CCDC175: variants seen among roughly 807,000 people sequenced by gnomAD.
The protein encoded by CCDC175 is coiled-coil domain-containing protein 175.
CCDC175 carries 100 observed loss-of-function variants against 114.6 expected under a neutral mutation model. The ratio of observed to expected loss-of-function variants is 0.87; its 90% CI spans 0.74 to 1.03. The LOEUF is 1.03. Ranked by LOEUF, CCDC175 falls within the 50% of genes least tolerant of loss-of-function variation. CCDC175 has a pLI of 0.00. For synonymous variants in CCDC175, 306 were observed against 308.7 expected (o/e 0.99, Z 0.09); for missense variants, 880 against 917.8 (o/e 0.96, Z 0.53).
At chr14:59,559,524 G>C (rs1337002849) in intron 7 of CCDC175, among the ~76,000 whole-genome samples, 1 of 152,140 alleles carries the variant, frequency 6.6e-6, no homozygotes, top group African/African-American at 2.4e-5. Flanking sequence ...AAAATGAAGG[G>C]TTAAGGATTG....
intron 3 of CCDC175, among the ~76,000 whole-genome samples, chr14:59,571,267 C>T (rs1459032839): frequency 6.6e-6 from 1 of 151,914 alleles, no homozygotes; most frequent in African/African-American, 2.4e-5. Flanking sequence ...GATTTCTTGA[C>T]TGCATCAAAA....
intron 10 of CCDC175, among the ~76,000 whole-genome samples, chr14:59,543,007 TTTTA>T (rs1219355161): frequency 6.6e-6 from 1 of 152,200 alleles, no homozygotes; most frequent in Non-Finnish European, 1.5e-5. Flanking sequence ...AGGTATTATT[TTTTA>T]ATCAGAAAAA....
chr14:59,506,130 A>G (rs1892360222), intron 19 of CCDC175, among the ~76,000 whole-genome samples: 1 of 152,106 alleles, frequency 6.6e-6, no homozygotes, highest in South Asian at 2.1e-4. Context: ...GATAAATTTA[A>G]TAACTACCTT....
intron 16 of CCDC175, among the ~76,000 whole-genome samples, chr14:59,522,085 G>A (rs920297917): frequency 2.6e-5 from 4 of 152,238 alleles, no homozygotes; most frequent in African/African-American, 9.6e-5. Context: ...ATTGAGTCAG[G>A]AGACTGCATG....
In CCDC175 at chr14:59,506,436, C is replaced by T. The variant is rs368909813; in HGVS notation, c.2306-1121G>A. On this transcript the variant is annotated intron_variant, in intron 19 of 19. Transcript: ENST00000537690. The stretch of plus-strand genomic sequence containing the variant: ...CCAAGCAGCTGGGATTATAGGTGCC[C>T]GCCATGACACCCAGCTAATTTTTGT... 4.8e-4 allele frequency among the ~76,000 whole-genome samples: 73 copies of T among 151,920 alleles called. No individual in the cohort carries two copies. The East Asian group carries it at 8.6e-3, about 18-fold the overall frequency.
At chr14:59,521,712 TTAGTTACTATAGATAAATTATCATG>T (rs1449339972) in intron 16 of CCDC175, 36 bp from the exon 17 acceptor site, 5 of 1,130,376 alleles carry the variant, frequency 4.4e-6, no homozygotes, top group Non-Finnish European at 6.4e-6. Context: ...TTTTAGCAGT[TTAGTTACTATAGATAAATTATCATG>T]TAGTCATTCA....
intron 7 of CCDC175, among the ~76,000 whole-genome samples, chr14:59,558,799 A>G (rs1237411157): frequency 6.6e-6 from 1 of 152,190 alleles, no homozygotes; most frequent in Non-Finnish European, 1.5e-5. Flanking sequence ...GAAAGTATTT[A>G]AAGCCACGAG....
intron 16 of CCDC175, among the ~76,000 whole-genome samples, chr14:59,523,882 G>T (rs564046595): frequency 1.3e-4 from 20 of 152,152 alleles, no homozygotes; most frequent in African/African-American, 4.1e-4. Flanking sequence ...CCAGCTACTC[G>T]GGAGGCTGAG....
At chr14:59,560,561 C>T (rs1420184613) in intron 7 of CCDC175, among the ~76,000 whole-genome samples, 1 of 152,120 alleles carries the variant, frequency 6.6e-6, no homozygotes, top group African/African-American at 2.4e-5. Flanking sequence ...GCCATGTGCT[C>T]ACCAAGAAGA....
Position 59,511,549 on chromosome 14 carries a change from A to T in CCDC175, c.2142+211T>A, listed in dbSNP as rs111347517. On this transcript the variant is annotated intron_variant, in intron 18 of 19. Transcript: ENST00000537690. ...TTAAGATTTCATAGTGATATTTGGT[A>T]AAAAAAAAAAAAAAAAAAGACACAT... Among the ~76,000 whole-genome samples, 6 of 3,012 alleles carry T rather than the reference A, an allele frequency of 2.0e-3. 1 individual carries two copies. Among genetic ancestry groups the T allele is most frequent in the African/African-American group, 6.6e-3 (6 of 908 alleles). 2.0% of individuals were successfully genotyped at this position (3,012 alleles called of 152,430 possible). A position where few individuals can be genotyped will look rare whatever the true frequency, so the allele number is the denominator to read the frequency against.
intron 4 of CCDC175, among the ~76,000 whole-genome samples, chr14:59,566,217 C>G (rs537086818): frequency 3.3e-5 from 5 of 152,326 alleles, no homozygotes; most frequent in African/African-American, 1.2e-4. Context: ...CGGTGTCCAT[C>G]TAAGGAAGAC....
In CCDC175 at chr14:59,536,012, A is replaced by G. The variant is rs371748275; in HGVS notation, c.1623+2011T>C. 1.3e-4 allele frequency among the ~76,000 whole-genome samples: 20 copies of G among 152,282 alleles called. 2 individuals carry two copies. The highest frequency in any genetic ancestry group is 8.5e-4 in the Admixed American group (13 of 15,286). On this transcript the variant is annotated intron_variant, in intron 13 of 19. Transcript: ENST00000537690. ...TTCTAACAGGCAATCCTTGCTCCAG[A>G]GCTCCCCAGAGAGAGTTTGTCAGGC...
chr14:59,576,693 A>T lies in CCDC175; in HGVS notation c.83T>A (p.Leu28Gln), dbSNP rs572317130. 6.9e-4 allele frequency: 1,030 copies of T among 1,487,620 alleles called. 13 individuals carry two copies. In the South Asian group the frequency reaches 0.012, roughly 18 times the overall value. The allele number at this position is 1,487,620 out of a possible 1,614,324, so 92.2% of individuals were successfully genotyped here. ...GGTGGAGGGTAAGGTGCATAACTCC[A>T]GGGAGGGGCCAGTGGAGACGGCAGC... The part of the protein sequence containing the change: ...QAAAVSTGPS[L>Q]ELCTLPSTLG... Residue 28 changes from leucine (L) to glutamine (Q), a missense_variant, in exon 1 of 20, where the codon CTG becomes CAG. By Grantham distance (113) the Leu-to-Gln change is moderately radical (BLOSUM62 -2). Coordinates refer to ENST00000537690, the MANE Select transcript of CCDC175 (RefSeq NM_001164399.2).
intron 5 of CCDC175, 36 bp from the exon 6 acceptor site, chr14:59,563,895 C>T (rs549577428): frequency 5.1e-5 from 66 of 1,304,614 alleles, no homozygotes; most frequent in Non-Finnish European, 6.4e-5. Context: ...ATTTAAAAAG[C>T]CTATTAGCAC....
At chr14:59,553,982 G>A (rs995012545) in intron 7 of CCDC175, among the ~76,000 whole-genome samples, 6 of 152,028 alleles carry the variant, frequency 3.9e-5, no homozygotes, top group African/African-American at 1.2e-4. Context: ...TTAGAGACCT[G>A]GAAAGAGACT....
At chr14:59,516,754 G>A (rs1389856881) in intron 17 of CCDC175, among the ~76,000 whole-genome samples, 2 of 152,278 alleles carry the variant, frequency 1.3e-5, no homozygotes, top group East Asian at 3.9e-4. Flanking sequence ...GGAGGAGCTG[G>A]TACCATTCCT....
rs112024002 is a variant in CCDC175, at chr14:59,529,124, G to T, written c.1763-1950C>A. ...CAGCCATTTGAGGGGACCATCGAAT[G>T]TCGGTGCTGTTGTGGGGCTTTTCTC... is the stretch of plus-strand genomic sequence containing the variant. On this transcript the variant is annotated intron_variant, in intron 14 of 19. Coordinates refer to ENST00000537690, the MANE Select transcript of CCDC175 (RefSeq NM_001164399.2). 2.1e-3 allele frequency among the ~76,000 whole-genome samples: 320 copies of T among 152,294 alleles called. 1 individual carries two copies. Among genetic ancestry groups the T allele is most frequent in the African/African-American group, 6.9e-3 (287 of 41,558 alleles).
intron 13 of CCDC175, among the ~76,000 whole-genome samples, chr14:59,533,376 C>T (rs1894183959): frequency 6.6e-6 from 1 of 152,130 alleles, no homozygotes; most frequent in South Asian, 2.1e-4. Flanking sequence ...CTTCATCAGG[C>T]TATTAGGGGA....
chr14:59,526,584 T>C (rs943778390), intron 15 of CCDC175, among the ~76,000 whole-genome samples: 2 of 151,970 alleles, frequency 1.3e-5, no homozygotes, highest in Non-Finnish European at 2.9e-5. Flanking sequence ...CATTTTGATA[T>C]CAATGCATCT....
Sources: gnomAD v4.1 joint callset for allele counts (sites outside exome capture counted in the v4.1 genomes callset) on GRCh38, gnomAD v4.1.1 for gene constraint, MANE v1.5 for transcripts, NCBI Gene and HGNC (gene_info 2026-07-23, HGNC 2026-07-21) for gene names.